TENM3: variants seen among roughly 807,000 people sequenced by gnomAD.
TENM3 encodes the protein teneurin-3.
Under a neutral mutation model 255.1 loss-of-function variants are expected in TENM3, and 63 were observed. The observed-to-expected ratio is 0.25, with a 90% CI of 0.20 to 0.30. The LOEUF (loss-of-function observed/expected upper bound fraction) is 0.30. Among genes scored for constraint, TENM3 ranks in the 10% least tolerant of loss-of-function variants. TENM3 has a pLI of 1.00. For missense variants in TENM3, 2,929 were observed against 3,461.1 expected (o/e 0.85, Z 3.86); for synonymous variants, 1,306 against 1,322.3 (o/e 0.99, Z 0.27).
intron 1 of TENM3, among the ~76,000 whole-genome samples, chr4:182,221,013 T>A (rs1755823150): frequency 6.6e-6 from 1 of 152,186 alleles, no homozygotes; most frequent in Non-Finnish European, 1.5e-5. Context: ...ATAATGAAGA[T>A]TTATGTATGT....
chr4:182,622,400 G>A (rs1005298214), intron 4 of TENM3, among the ~76,000 whole-genome samples: 2 of 152,146 alleles, frequency 1.3e-5, no homozygotes, highest in African/African-American at 4.8e-5. Flanking sequence ...TGCCAAGATT[G>A]GTGATCTCAT....
chr4:182,285,644 T>C (rs959103962), intron 1 of TENM3, among the ~76,000 whole-genome samples: 1 of 152,190 alleles, frequency 6.6e-6, no homozygotes, highest in Non-Finnish European at 1.5e-5. Flanking sequence ...GCAAAAAGCA[T>C]GTAGCAACAG....
chr4:182,194,305 A>G (rs1753705449), intron 1 of TENM3, among the ~76,000 whole-genome samples: 1 of 152,160 alleles, frequency 6.6e-6, no homozygotes, highest in Non-Finnish European at 1.5e-5. Flanking sequence ...GAAGCTGAGT[A>G]CCGCTGAAAA....
intron 3 of TENM3, among the ~76,000 whole-genome samples, chr4:182,350,606 A>T (rs1765104137): frequency 6.6e-6 from 1 of 152,192 alleles, no homozygotes; most frequent in Non-Finnish European, 1.5e-5. Context: ...GTGTGATGGG[A>T]TACCCCAGTA....
At chr4:181,572,552 C>CT in the TENM3 span, among the ~76,000 whole-genome samples, 6 of 151,930 alleles carry the variant, frequency 3.9e-5, no homozygotes, top group South Asian at 2.1e-4. Flanking sequence ...CAGTTTCACA[C>CT]TTTTTTTTGT....
At chr4:182,119,780 C>T in the TENM3 span, among the ~76,000 whole-genome samples, 1 of 152,090 alleles carries the variant, frequency 6.6e-6, no homozygotes, top group Non-Finnish European at 1.5e-5. Context: ...GACCAAGGCT[C>T]CCTGCAACCT....
At chr4:182,594,781 G>A (rs1476335710) in intron 3 of TENM3, among the ~76,000 whole-genome samples, 7 of 150,696 alleles carry the variant, frequency 4.6e-5, no homozygotes, top group African/African-American at 1.2e-4. Flanking sequence ...GTGCAGTGGC[G>A]TGATCTCAGC....
At chr4:181,836,253 A>T in the TENM3 span, among the ~76,000 whole-genome samples, 1 of 151,660 alleles carries the variant, frequency 6.6e-6, no homozygotes, top group Non-Finnish European at 1.5e-5. Flanking sequence ...ATTCTAGTCA[A>T]AATACTCATA....
the TENM3 span, among the ~76,000 whole-genome samples, chr4:181,567,305 G>A: frequency 2.6e-5 from 4 of 151,990 alleles, no homozygotes; most frequent in East Asian, 1.9e-4. Flanking sequence ...TTTATAATTC[G>A]TAAAATGACT....
the TENM3 span, among the ~76,000 whole-genome samples, chr4:181,890,624 TA>T: frequency 5.9e-5 from 9 of 152,052 alleles, no homozygotes; most frequent in Non-Finnish European, 1.2e-4. Context: ...CGTGTTAGAC[TA>T]AACTGTGCCC....
chr4:182,310,671 G>GT (rs34944408), intron 1 of TENM3, among the ~76,000 whole-genome samples: 15,598 of 146,202 alleles, frequency 0.11, 1,036 homozygotes, highest in African/African-American at 0.2. Flanking sequence ...GGGGAAGGGT[G>GT]TTTTTTTTTT....
chr4:181,892,945 A>G, the TENM3 span, among the ~76,000 whole-genome samples: 1 of 152,226 alleles, frequency 6.6e-6, no homozygotes. Context: ...AAATGTGTGA[A>G]TTCTACCATT....
the TENM3 span, among the ~76,000 whole-genome samples, chr4:181,522,141 A>C: frequency 6.8e-6 from 1 of 147,656 alleles, no homozygotes; most frequent in African/African-American, 2.5e-5. Flanking sequence ...GAAGAAGCTA[A>C]TGTGGAGAGA....
intron 12 of TENM3, among the ~76,000 whole-genome samples, chr4:182,705,009 G>T (rs1240442742): frequency 6.6e-6 from 1 of 152,040 alleles, no homozygotes; most frequent in Non-Finnish European, 1.5e-5. Context: ...TTGTTTTATG[G>T]TGTTTAAAAT....
chr4:181,782,598 GT>G, the TENM3 span, among the ~76,000 whole-genome samples: 7 of 151,880 alleles, frequency 4.6e-5, no homozygotes, highest in Admixed American at 2.0e-4. Context: ...TTTTTTGAAG[GT>G]TTTTTTGTGT....
At chr4:181,731,019 A>C in the TENM3 span, among the ~76,000 whole-genome samples, 1 of 152,188 alleles carries the variant, frequency 6.6e-6, no homozygotes, top group Non-Finnish European at 1.5e-5. Context: ...CACCCAGCTA[A>C]AGCATGAATT....
the TENM3 span, among the ~76,000 whole-genome samples, chr4:182,057,908 C>G: frequency 1.3e-5 from 2 of 151,876 alleles, no homozygotes; most frequent in African/African-American, 2.4e-5. Flanking sequence ...AAATAAAGGC[C>G]TCAAGTGTTG....
intron 1 of TENM3, among the ~76,000 whole-genome samples, chr4:182,245,496 G>A (rs977220874): frequency 1.3e-5 from 2 of 152,214 alleles, no homozygotes; most frequent in African/African-American, 4.8e-5. Flanking sequence ...AGCAATCAGT[G>A]CTTTCCTTTA....
At chr4:182,736,606 A>G (rs895663321) in intron 16 of TENM3, among the ~76,000 whole-genome samples, 2 of 152,220 alleles carry the variant, frequency 1.3e-5, no homozygotes, top group Non-Finnish European at 2.9e-5. Context: ...GCTCAAATGC[A>G]TATTTGTGAA....
Sources: gnomAD v4.1 joint callset for allele counts (sites outside exome capture counted in the v4.1 genomes callset) on GRCh38, gnomAD v4.1.1 for gene constraint, MANE v1.5 for transcripts, NCBI Gene and HGNC (gene_info 2026-07-23, HGNC 2026-07-21) for gene names.